Variants in DET1 observed in about 807,000 individuals in gnomAD.
DET1 encodes DET1 partner of COP1 E3 ubiquitin ligase, also known as DET1 homolog.
A neutral mutation model predicts 43.7 loss-of-function variants in DET1; 22 were observed. The observed-to-expected ratio is 0.50, with a 90% CI of 0.36 to 0.72. DET1 has a LOEUF of 0.72. Ranked by LOEUF, DET1 falls within the 30% of genes least tolerant of loss-of-function variation. The probability of loss-of-function intolerance (pLI) is 0.00; values close to 1 mark genes in which losing one functional copy is unlikely to be tolerated. For synonymous variants in DET1, 315 were observed against 266.2 expected, an observed-to-expected ratio of 1.18 and a Z score of -1.79; for missense variants, 713 against 713.3, an observed-to-expected ratio of 1.00 and a Z score of 0.00.
chr15:88,517,552 C>G (rs1359630602), intron 3 of DET1, among the ~76,000 whole-genome samples: 1 of 152,120 alleles, frequency 6.6e-6, no homozygotes, highest in African/African-American at 2.4e-5. Flanking sequence ...AACAAAGACT[C>G]TACAAACAAG....
At chr15:88,507,157 C>T (rs2056150165) in intron 7 of DET1, among the ~76,000 whole-genome samples, 1 of 152,198 alleles carries the variant, frequency 6.6e-6, no homozygotes. Context: ...ATCCTCACCT[C>T]TTTTACTCTA....
At chr15:88,545,083 T>C (rs1004241505) in intron 1 of DET1, among the ~76,000 whole-genome samples, 25 of 152,160 alleles carry the variant, frequency 1.6e-4, no homozygotes, top group Admixed American at 7.2e-4. Flanking sequence ...TCTGCCCTGA[T>C]TGGACATGTG....
chr15:88,507,934 C>T (rs2056159242), downstream of DET1, among the ~76,000 whole-genome samples: 1 of 152,204 alleles, frequency 6.6e-6, no homozygotes, highest in African/African-American at 2.4e-5. Context: ...AGCTTCATCT[C>T]TATTTACAGC....
chr15:88,510,900 A>G, downstream of DET1, among the ~76,000 whole-genome samples: 1 of 151,334 alleles, frequency 6.6e-6, no homozygotes, highest in Non-Finnish European at 1.5e-5. Context: ...CAGCCTCCAA[A>G]GTAGCTGGGA....
chr15:88,515,636 A>C (rs975162460), intron 4 of DET1, among the ~76,000 whole-genome samples: 2 of 151,932 alleles, frequency 1.3e-5, no homozygotes, highest in African/African-American at 2.4e-5. Context: ...AACTATAAAA[A>C]GAATATTTAT....
intron 3 of DET1, among the ~76,000 whole-genome samples, chr15:88,521,454 C>G (rs1399303769): frequency 6.6e-6 from 1 of 152,216 alleles, no homozygotes; most frequent in Admixed American, 6.5e-5. Flanking sequence ...AATGGTCTGA[C>G]AGGTGGACAG....
intron 1 of DET1, among the ~76,000 whole-genome samples, chr15:88,534,448 A>G (rs1440125): frequency 0.71 from 107,855 of 152,082 alleles, 38,764 homozygotes; most frequent in African/African-American, 0.83. Flanking sequence ...CTGCTGCTTG[A>G]AGAGCAAGTG....
chr15:88,534,501 AG>A (rs1420765210), intron 1 of DET1, among the ~76,000 whole-genome samples: 2 of 152,202 alleles, frequency 1.3e-5, no homozygotes, highest in African/African-American at 4.8e-5. Context: ...TTGTCATCAG[AG>A]GATCAAAAGG....
chr15:88,538,697 G>A (rs561836217), intron 1 of DET1, among the ~76,000 whole-genome samples: 5 of 152,214 alleles, frequency 3.3e-5, no homozygotes, highest in East Asian at 3.9e-4. Flanking sequence ...GTCTTGCTCC[G>A]GGCTCCCCCG....
At chr15:88,510,866 C>A (rs568864595), downstream of DET1, among the ~76,000 whole-genome samples, 2 of 151,764 alleles carry the variant, frequency 1.3e-5, no homozygotes, top group South Asian at 4.2e-4. Context: ...CCCCACCTCC[C>A]GGGTTCACGC....
At chr15:88,529,692 G>C (rs1178102228) in intron 2 of DET1, among the ~76,000 whole-genome samples, 1 of 152,220 alleles carries the variant, frequency 6.6e-6, no homozygotes, top group Non-Finnish European at 1.5e-5. Flanking sequence ...GTGGTTTACT[G>C]ATTTGCTGGT....
chr15:88,507,553 C>T (rs1177222434), downstream of DET1, among the ~76,000 whole-genome samples: 1 of 152,232 alleles, frequency 6.6e-6, no homozygotes, highest in African/African-American at 2.4e-5. Context: ...TAGTCCCATA[C>T]TCTTTGCTAG....
downstream of DET1, among the ~76,000 whole-genome samples, chr15:88,509,014 C>T (rs2056170527): frequency 6.6e-6 from 1 of 152,132 alleles, no homozygotes; most frequent in African/African-American, 2.4e-5. Flanking sequence ...TTTAGAGAAG[C>T]AGGGATTATT....
intron 3 of DET1, among the ~76,000 whole-genome samples, chr15:88,517,625 TGGGG>T (rs901341569): frequency 5.9e-5 from 9 of 152,196 alleles, no homozygotes; most frequent in African/African-American, 1.9e-4. Context: ...ACAGCTCAAC[TGGGG>T]AAAAAGGTCA....
At chr15:88,538,901 A>G (rs2057021368) in intron 1 of DET1, among the ~76,000 whole-genome samples, 3 of 152,168 alleles carry the variant, frequency 2.0e-5, no homozygotes, top group Non-Finnish European at 4.4e-5. Flanking sequence ...GTAAGAGGGA[A>G]GTGGCCCTGA....
chr15:88,536,268 T>C (rs1404808881), intron 1 of DET1: 2 of 756,082 alleles, frequency 2.6e-6, no homozygotes, highest in Non-Finnish European at 4.9e-6. Flanking sequence ...ATACACCCTA[T>C]ATTATTAATG....
chr15:88,540,291 C>A (rs952271748), intron 1 of DET1, among the ~76,000 whole-genome samples: 28 of 152,154 alleles, frequency 1.8e-4, no homozygotes, highest in Admixed American at 1.3e-4. Flanking sequence ...TAGTCCCCCT[C>A]CCTCAATCTT....
intron 3 of DET1, among the ~76,000 whole-genome samples, chr15:88,526,318 T>C (rs1215832909): frequency 2.0e-5 from 3 of 152,246 alleles, no homozygotes; most frequent in South Asian, 2.1e-4. Context: ...GTATTTTCCA[T>C]TACTGTCTAA....
intron 3 of DET1, among the ~76,000 whole-genome samples, chr15:88,517,582 G>C (rs1190491909): frequency 6.6e-6 from 1 of 152,122 alleles, no homozygotes; most frequent in East Asian, 1.9e-4. Context: ...AGTATAACTA[G>C]TTTATGGCAA....
Sources: gnomAD v4.1 joint callset for allele counts (sites outside exome capture counted in the v4.1 genomes callset) on GRCh38, gnomAD v4.1.1 for gene constraint, MANE v1.5 for transcripts, NCBI Gene and HGNC (gene_info 2026-07-23, HGNC 2026-07-21) for gene names.